The following CTDSPL2 variants were observed in gnomAD, a reference collection of about 807,000 sequenced individuals.
CTDSPL2 encodes the protein CTD small phosphatase like 2, also known as CTD small phosphatase-like protein 2.
In CTDSPL2, 5 loss-of-function variants were observed where a neutral mutation model predicts 60.0. The observed-to-expected ratio is 0.08, with a 90% CI of 0.04 to 0.18. The LOEUF is 0.18. Among genes scored for constraint, CTDSPL2 ranks in the 10% least tolerant of loss-of-function variants. CTDSPL2 has a pLI of 1.00. For synonymous variants in CTDSPL2, 186 were observed against 189.3 expected, an observed-to-expected ratio of 0.98 and a Z score of 0.14; for missense variants, 370 against 548.8, an observed-to-expected ratio of 0.67 and a Z score of 3.26.
rs373600493 is a variant in CTDSPL2, at chr15:44,514,650, A to G, written c.1022A>G (p.Gln341Arg). Residue 341 changes from glutamine to arginine, a missense_variant, in exon 9 of 13, where the codon CAG (glutamine) becomes CGG (arginine). Physicochemically the swap from Gln to Arg is conservative, Grantham distance 43. Coordinates refer to ENST00000260327, the MANE Select transcript of CTDSPL2 (RefSeq NM_016396.3). ...AGGGAATTCCTGGAACGAATGTCTC[A>G]GATGTATGAGGTAAACATGCTTAAG... is the stretch of plus-strand genomic sequence containing the variant. Reference protein sequence around the residue: ...FFREFLERMSQMYEIILFTAS... With the variant: ...FFREFLERMSRMYEIILFTAS... 4.4e-6 allele frequency: 7 copies of G among 1,606,154 alleles called. No homozygotes were observed. Among genetic ancestry groups the G allele is most frequent in the Non-Finnish European group, 4.3e-6 (5 of 1,173,102 alleles).
chr15:44,462,198 C>T (rs1219647440), intron 2 of CTDSPL2, among the ~76,000 whole-genome samples: 1 of 152,194 alleles, frequency 6.6e-6, no homozygotes, highest in African/African-American at 2.4e-5. Flanking sequence ...CCTGCCTGGA[C>T]CTCTCAAAGT....
At chr15:44,448,959 T>A in intron 1 of CTDSPL2, 4 of 410,364 alleles carry the variant, frequency 9.7e-6, no homozygotes, top group South Asian at 3.9e-5. Context: ...TTTTTTCATC[T>A]TTATCCTCAA....
At chr15:44,458,878 T>A (rs1316226033) in intron 1 of CTDSPL2, 113 bp from the exon 2 acceptor site, 1 of 609,036 alleles carries the variant, frequency 1.6e-6, no homozygotes, top group Non-Finnish European at 2.5e-6. Flanking sequence ...GTCTAGGACT[T>A]TTGTTTTTTT....
chr15:44,484,770 T>G (rs2081089957), intron 3 of CTDSPL2, among the ~76,000 whole-genome samples: 1 of 152,158 alleles, frequency 6.6e-6, no homozygotes, highest in African/African-American at 2.4e-5. Flanking sequence ...TTGAGTAATT[T>G]TTGCCTTAAT....
Position 44,526,199 on chromosome 15 carries a change from A to C in CTDSPL2, c.*2025A>C, listed in dbSNP as rs1167454439. On this transcript the variant is annotated 3_prime_UTR_variant, in exon 13 of 13. Coordinates refer to ENST00000260327, the MANE Select transcript of CTDSPL2 (RefSeq NM_016396.3). ...ACCTTTACATATGCTCTTGCTCAAA[A>C]TTGTGAACCTAGTTACATTTCTCCC... 1 of 152,140 alleles carries C rather than the reference A, an allele frequency of 6.6e-6. No homozygotes were observed. The highest frequency in any genetic ancestry group is 1.5e-5 in the Non-Finnish European group (1 of 68,002). 9.4% of individuals were successfully genotyped at this position (152,140 alleles called of 1,614,324 possible).
chr15:44,509,849 C>T (rs1278024605), intron 8 of CTDSPL2, among the ~76,000 whole-genome samples: 2 of 151,862 alleles, frequency 1.3e-5, no homozygotes, highest in Non-Finnish European at 2.9e-5. Flanking sequence ...TCGCTTAAAC[C>T]TGGGAGACGG....
At chr15:44,451,193 A>C (rs1042120944) in intron 1 of CTDSPL2, among the ~76,000 whole-genome samples, 3 of 152,042 alleles carry the variant, frequency 2.0e-5, no homozygotes, top group Admixed American at 1.3e-4. Flanking sequence ...TCAGCTTCTC[A>C]GGCTCAAGTG....
At chr15:44,431,924 A>G (rs529836314) in intron 1 of CTDSPL2, among the ~76,000 whole-genome samples, 2 of 151,454 alleles carry the variant, frequency 1.3e-5, no homozygotes, top group Non-Finnish European at 2.9e-5. Flanking sequence ...AGGTTTCACC[A>G]TGTTGGTCAG....
At chr15:44,514,905 C>A (rs1462569817) in intron 10 of CTDSPL2, 61 bp downstream of exon 10, 2 of 1,021,680 alleles carry the variant, frequency 2.0e-6, no homozygotes, top group South Asian at 1.5e-5. Flanking sequence ...ATTACTGATT[C>A]TATTTCATTT....
At chr15:44,516,570 C>G (rs891042303) in intron 10 of CTDSPL2, 1 of 152,052 alleles carries the variant, frequency 6.6e-6, no homozygotes, top group African/African-American at 2.4e-5. Context: ...CTAAAGTATA[C>G]CCAGTGATTT....
At chr15:44,467,328 T>C (rs181195278) in intron 2 of CTDSPL2, among the ~76,000 whole-genome samples, 2 of 152,288 alleles carry the variant, frequency 1.3e-5, no homozygotes, top group East Asian at 3.9e-4. Context: ...ACTTATTACA[T>C]TGGTTAGGAT....
At chr15:44,460,177 C>T (rs1425802741) in intron 2 of CTDSPL2, among the ~76,000 whole-genome samples, 1 of 152,206 alleles carries the variant, frequency 6.6e-6, no homozygotes, top group Non-Finnish European at 1.5e-5. Context: ...GTGGCGCATT[C>T]TCCGCTCACT....
At position 44,524,219 on chromosome 15, in the gene CTDSPL2, C is replaced by T. The variant is rs753607822; in HGVS notation, c.*45C>T. 1 of 1,494,798 alleles carries T rather than the reference C, an allele frequency of 6.7e-7. No homozygotes were observed. Among genetic ancestry groups the T allele is most frequent in the South Asian group, 1.1e-5 (1 of 88,214 alleles). The allele number at this position is 1,494,798 out of a possible 1,614,324, so 92.6% of individuals were successfully genotyped here. A position where few individuals can be genotyped will look rare whatever the true frequency, so the allele number is the denominator to read the frequency against. On this transcript the variant is annotated 3_prime_UTR_variant, in exon 13 of 13. Transcript: ENST00000260327. ...CACTGAAGGGGGAGAGAATGCAGGA[C>T]CCTTTTGGACTAAGACAAAAACATT...
intron 2 of CTDSPL2, among the ~76,000 whole-genome samples, chr15:44,478,864 C>T (rs780188758): frequency 1.3e-5 from 2 of 152,086 alleles, no homozygotes; most frequent in Non-Finnish European, 2.9e-5. Flanking sequence ...CACCTGTAAT[C>T]CCAGCTACTT....
rs1028005344 is a variant in CTDSPL2 at position 44,436,979 on chromosome 15, C to T, written c.-25+9207C>T. 3.9e-5 allele frequency among the ~76,000 whole-genome samples: 6 copies of T among 152,224 alleles called. No homozygotes were observed. In the East Asian group the frequency reaches 1.2e-3, roughly 29 times the overall value. ...ATCTTGGAAAGGACCCAAGTTTAAA[C>T]ATGAAATTCATTTATGTTTCATAAG... On this transcript the variant is annotated intron_variant, in intron 1 of 12. Transcript: ENST00000260327.
chr15:44,453,558 A>G (rs558246081), intron 1 of CTDSPL2, among the ~76,000 whole-genome samples: 6 of 151,612 alleles, frequency 4.0e-5, no homozygotes, highest in African/African-American at 9.7e-5. Context: ...ATATCTCCCA[A>G]TGCTATCCCT....
At chr15:44,428,502 A>G (rs751390391) in intron 1 of CTDSPL2, among the ~76,000 whole-genome samples, 4 of 152,170 alleles carry the variant, frequency 2.6e-5, no homozygotes, top group Non-Finnish European at 5.9e-5. Flanking sequence ...TTGTTTATTT[A>G]CTTCTCACCC....
At chr15:44,475,109 G>A (rs2080889355) in intron 2 of CTDSPL2, among the ~76,000 whole-genome samples, 1 of 151,778 alleles carries the variant, frequency 6.6e-6, no homozygotes, top group Non-Finnish European at 1.5e-5. Flanking sequence ...AAAATACCAA[G>A]TCCGGCCACA....
At chr15:44,500,906 A>G (rs1045765974) in intron 8 of CTDSPL2, among the ~76,000 whole-genome samples, 1 of 152,164 alleles carries the variant, frequency 6.6e-6, no homozygotes, top group Non-Finnish European at 1.5e-5. Context: ...TTCACTTTTT[A>G]TGTAAGCTGA....
Sources: allele counts gnomAD v4.1 joint callset (sites outside exome capture counted in the v4.1 genomes callset), GRCh38; gene constraint gnomAD v4.1.1; transcripts MANE v1.5; gene names NCBI Gene and HGNC (gene_info 2026-07-23, HGNC 2026-07-21).